Variants in FHIT observed in about 807,000 individuals in gnomAD.
The protein encoded by FHIT is fragile histidine triad diadenosine triphosphatase.
In FHIT, 19 loss-of-function variants were observed where a neutral mutation model predicts 17.9. The observed-to-expected ratio is 1.06, with a 90% confidence interval of 0.74 to 1.56. FHIT has a LOEUF of 1.56. Among genes scored for constraint, FHIT ranks in the 40% most tolerant of loss-of-function variants. The probability of loss-of-function intolerance (pLI) is 0.00; values close to 1 mark genes in which losing one functional copy is unlikely to be tolerated. For synonymous variants in FHIT, 81 were observed against 69.7 expected (o/e 1.16, Z -0.81); for missense variants, 248 against 189.2 (o/e 1.31, Z -1.82).
chr3:60,457,094 T>C (rs929046064), intron 5 of FHIT, among the ~76,000 whole-genome samples: 1 of 152,174 alleles, frequency 6.6e-6, no homozygotes. Context: ...AAAGTTCATA[T>C]GGAACCAAAA....
At chr3:60,500,893 G>A (rs2034500136) in intron 5 of FHIT, among the ~76,000 whole-genome samples, 1 of 151,738 alleles carries the variant, frequency 6.6e-6, no homozygotes, top group African/African-American at 2.4e-5. Context: ...AGCCTTGATT[G>A]GCTTCTTTTT....
intron 4 of FHIT, among the ~76,000 whole-genome samples, chr3:60,541,902 A>C (rs1171476008): frequency 6.6e-6 from 1 of 152,194 alleles, no homozygotes; most frequent in Non-Finnish European, 1.5e-5. Flanking sequence ...AGCTACTATT[A>C]TCATGAGCCC....
intron 5 of FHIT, among the ~76,000 whole-genome samples, chr3:60,463,908 G>C (rs768142083): frequency 1.3e-4 from 20 of 152,146 alleles, no homozygotes; most frequent in Non-Finnish European, 2.8e-4. Flanking sequence ...TATTATCCAC[G>C]AATCAGTTTA....
At chr3:60,059,745 C>T (rs1253250584) in intron 5 of FHIT, among the ~76,000 whole-genome samples, 6 of 152,130 alleles carry the variant, frequency 3.9e-5, no homozygotes, top group Non-Finnish European at 8.8e-5. Context: ...TCTGTGCCTA[C>T]GAGGTTCATG....
In FHIT at chr3:60,438,367, T is replaced by C. The variant is rs1163423235; in HGVS notation, c.103+98493A>G. Among the ~76,000 whole-genome samples, 5 of 151,960 alleles carry C rather than the reference T, an allele frequency of 3.3e-5. No individual in the cohort carries two copies. In the East Asian group the frequency reaches 5.8e-4, roughly 18 times the overall value. The stretch of plus-strand genomic sequence containing the variant: ...AGACGACCACCCAGAACATGCTTAC[T>C]AGTAACACTGCTTTCCACCTCCTTA... On this transcript the variant is annotated intron_variant, in intron 5 of 9. Coordinates refer to ENST00000492590, the MANE Select transcript of FHIT (RefSeq NM_002012.4).
intron 8 of FHIT, among the ~76,000 whole-genome samples, chr3:59,903,984 G>A (rs1704457801): frequency 6.6e-6 from 1 of 152,046 alleles, no homozygotes; most frequent in Admixed American, 6.6e-5. Context: ...TCAGAACCCA[G>A]GAAGTATGAG....
intron 5 of FHIT, among the ~76,000 whole-genome samples, chr3:60,360,101 C>T (rs1197311310): frequency 6.8e-6 from 1 of 147,774 alleles, no homozygotes; most frequent in Non-Finnish European, 1.5e-5. Flanking sequence ...TCTACCATTT[C>T]TATTATATTC....
At chr3:61,090,702 A>C (rs2035454557) in intron 2 of FHIT, among the ~76,000 whole-genome samples, 1 of 152,224 alleles carries the variant, frequency 6.6e-6, no homozygotes, top group South Asian at 2.1e-4. Context: ...AGATAGAGGC[A>C]TCAACAATCA....
intron 4 of FHIT, among the ~76,000 whole-genome samples, chr3:60,570,216 A>C (rs1440358046): frequency 6.6e-6 from 1 of 152,172 alleles, no homozygotes; most frequent in South Asian, 2.1e-4. Context: ...GAAATAAAGA[A>C]AGAGGAGATG....
intron 2 of FHIT, among the ~76,000 whole-genome samples, chr3:61,199,522 C>G: frequency 6.7e-6 from 1 of 149,394 alleles, no homozygotes; most frequent in South Asian, 2.2e-4. Flanking sequence ...TGCCCCAAAG[C>G]AAATCCTAAG....
At chr3:60,111,149 C>G (rs1328588309) in intron 5 of FHIT, among the ~76,000 whole-genome samples, 1 of 152,070 alleles carries the variant, frequency 6.6e-6, no homozygotes, top group African/African-American at 2.4e-5. Flanking sequence ...TATGTTGTTT[C>G]TCTACTAAAG....
At chr3:59,966,074 T>A (rs1377836039) in intron 7 of FHIT, among the ~76,000 whole-genome samples, 1 of 152,212 alleles carries the variant, frequency 6.6e-6, no homozygotes, top group East Asian at 1.9e-4. Flanking sequence ...CAGAGAAAGA[T>A]AATTCTAGAA....
chr3:60,824,344 A>G (rs531340107), intron 3 of FHIT, among the ~76,000 whole-genome samples: 13 of 152,294 alleles, frequency 8.5e-5, no homozygotes, highest in Non-Finnish European at 1.2e-4. Flanking sequence ...TTGATAGTAC[A>G]TAGAATTAAA....
chr3:61,033,503 A>C (rs1389997288), intron 3 of FHIT, among the ~76,000 whole-genome samples: 1 of 152,186 alleles, frequency 6.6e-6, no homozygotes, highest in Non-Finnish European at 1.5e-5. Flanking sequence ...GGCTAAGTGA[A>C]ATATATTATT....
chr3:60,156,139 G>A (rs915428162), intron 5 of FHIT, among the ~76,000 whole-genome samples: 6 of 150,142 alleles, frequency 4.0e-5, no homozygotes, highest in African/African-American at 9.8e-5. Flanking sequence ...GGATCATGAC[G>A]TCAGGAGTTG....
chr3:60,632,746 A>C (rs1409344495), intron 4 of FHIT, among the ~76,000 whole-genome samples: 1 of 152,154 alleles, frequency 6.6e-6, no homozygotes, highest in African/African-American at 2.4e-5. Flanking sequence ...AATGTAAATA[A>C]ATTTTCTAAA....
Position 60,713,543 on chromosome 3 carries a change from A to T in FHIT, c.-18+108376T>A, listed in dbSNP as rs868916197. ...GATAGACCGCTAGCAAGACTAATAA[A>T]GAAAAAAAGAGAGAAGAATCAAATA... On this transcript the variant is annotated intron_variant, in intron 4 of 9. Transcript: ENST00000492590. 9.7e-3 allele frequency among the ~76,000 whole-genome samples: 1,478 copies of T among 151,762 alleles called. 28 individuals carry two copies. The highest frequency in any genetic ancestry group is 0.034 in the African/African-American group (1,417 of 41,386).
intron 4 of FHIT, among the ~76,000 whole-genome samples, chr3:60,595,876 G>T (rs1033624721): frequency 6.6e-5 from 10 of 151,976 alleles, no homozygotes; most frequent in African/African-American, 1.9e-4. Context: ...GGCCTTAAGA[G>T]ATCCTCCCAC....
chr3:60,516,763 C>T (rs2035174960), intron 5 of FHIT, among the ~76,000 whole-genome samples: 1 of 152,192 alleles, frequency 6.6e-6, no homozygotes, highest in Non-Finnish European at 1.5e-5. Context: ...CAAGAAGCAT[C>T]TCCGCCAGAG....
Sources: allele counts gnomAD v4.1 joint callset (sites outside exome capture counted in the v4.1 genomes callset), GRCh38; gene constraint gnomAD v4.1.1; transcripts MANE v1.5; gene names NCBI Gene and HGNC (gene_info 2026-07-23, HGNC 2026-07-21).